Variants in SAMMSON observed in about 807,000 individuals in gnomAD.
SAMMSON encodes the protein long intergenic non-protein coding RNA 1212.
At chr3:70,163,231 A>G (rs1454379575) in intron 4 of SAMMSON, among the ~76,000 whole-genome samples, 1 of 150,962 alleles carries the variant, frequency 6.6e-6, no homozygotes. Context: ...TTGTGCCACC[A>G]CTACTGCCCT....
intron 3 of SAMMSON, among the ~76,000 whole-genome samples, chr3:70,060,076 A>T (rs2067181937): frequency 6.6e-6 from 1 of 152,082 alleles, no homozygotes; most frequent in Non-Finnish European, 1.5e-5. Context: ...GAGATTGTTG[A>T]TCTTGAGCTA....
At chr3:70,299,467 A>G (rs1702325154) in intron 7 of SAMMSON, among the ~76,000 whole-genome samples, 1 of 152,124 alleles carries the variant, frequency 6.6e-6, no homozygotes, top group Non-Finnish European at 1.5e-5. Context: ...ACAAAAGCAC[A>G]TACCCCTAGA....
intron 2 of SAMMSON, among the ~76,000 whole-genome samples, chr3:70,423,789 G>A: frequency 6.6e-6 from 1 of 152,156 alleles, no homozygotes; most frequent in East Asian, 1.9e-4. Flanking sequence ...ACCTGGAAAT[G>A]TTTATAAGTG....
At chr3:70,243,563 T>C (rs887938621) in intron 4 of SAMMSON, among the ~76,000 whole-genome samples, 4 of 152,336 alleles carry the variant, frequency 2.6e-5, no homozygotes, top group South Asian at 4.1e-4. Flanking sequence ...TTCTGCACTA[T>C]CGTCATTTTG....
intron 7 of SAMMSON, among the ~76,000 whole-genome samples, chr3:70,322,281 A>G (rs1437427241): frequency 6.6e-6 from 1 of 152,168 alleles, no homozygotes; most frequent in Non-Finnish European, 1.5e-5. Flanking sequence ...AGTCCTCTTT[A>G]ACCAATACAA....
intron 3 of SAMMSON, among the ~76,000 whole-genome samples, chr3:70,023,014 A>G (rs901440816): frequency 2.0e-5 from 3 of 152,318 alleles, no homozygotes; most frequent in Admixed American, 6.5e-5. Flanking sequence ...TCCTATTAAT[A>G]CAGTATTCCA....
intron 3 of SAMMSON, among the ~76,000 whole-genome samples, chr3:70,033,888 G>C (rs1279608043): frequency 6.6e-6 from 1 of 152,148 alleles, no homozygotes; most frequent in Non-Finnish European, 1.5e-5. Context: ...AAAGGAGGAT[G>C]TCAGAGGATG....
intron 6 of SAMMSON, among the ~76,000 whole-genome samples, chr3:70,287,089 A>G (rs1702173792): frequency 7.1e-6 from 1 of 141,752 alleles, no homozygotes. Flanking sequence ...AACTTCCAAC[A>G]CTATGTTGAA....
At chr3:70,397,085 C>G (rs907200819) in intron 2 of SAMMSON, among the ~76,000 whole-genome samples, 1 of 152,144 alleles carries the variant, frequency 6.6e-6, no homozygotes, top group African/African-American at 2.4e-5. Context: ...GTTATATGTA[C>G]TCTTTAATAG....
intron 4 of SAMMSON, among the ~76,000 whole-genome samples, chr3:70,191,945 A>G (rs996190615): frequency 6.6e-6 from 1 of 151,506 alleles, no homozygotes; most frequent in Non-Finnish European, 1.5e-5. Flanking sequence ...TAGAGAATGT[A>G]ATAATATACC....
At chr3:70,353,291 A>G (rs951107745) in intron 7 of SAMMSON, among the ~76,000 whole-genome samples, 3 of 152,106 alleles carry the variant, frequency 2.0e-5, no homozygotes, top group Admixed American at 1.3e-4. Flanking sequence ...TAAAAATTCA[A>G]GCTACTTACT....
chr3:70,008,058 G>A (rs893360243), intron 1 of SAMMSON, among the ~76,000 whole-genome samples: 3 of 152,060 alleles, frequency 2.0e-5, no homozygotes, highest in African/African-American at 4.8e-5. Context: ...GTCTTGTAGT[G>A]TAGTTTGAAG....
chr3:70,328,383 TG>T (rs1417302544), intron 7 of SAMMSON, among the ~76,000 whole-genome samples: 1 of 152,154 alleles, frequency 6.6e-6, no homozygotes, highest in East Asian at 1.9e-4. Context: ...GTGATAGAAT[TG>T]GTAGACAGGA....
chr3:70,348,887 G>A (rs977589764), intron 7 of SAMMSON, among the ~76,000 whole-genome samples: 7 of 151,976 alleles, frequency 4.6e-5, no homozygotes, highest in Non-Finnish European at 7.4e-5. Flanking sequence ...TAGATCTTAC[G>A]GTCTGAGCTA....
intron 3 of SAMMSON, among the ~76,000 whole-genome samples, chr3:70,028,205 CTCTTTCTTTCTT>C (rs534518874): frequency 7.8e-6 from 1 of 128,462 alleles, no homozygotes; most frequent in Non-Finnish European, 1.6e-5. Context: ...CTTTCTTTCT[CTCTTTCTTTCTT>C]TCTCTTTTTC....
chr3:70,130,399 A>C (rs1326568020), intron 4 of SAMMSON, among the ~76,000 whole-genome samples: 1 of 152,224 alleles, frequency 6.6e-6, no homozygotes, highest in East Asian at 1.9e-4. Context: ...TATTGTGGCC[A>C]GAAGCAAACT....
At chr3:70,172,207 T>C (rs1700962658) in intron 4 of SAMMSON, 1 of 151,842 alleles carries the variant, frequency 6.6e-6, no homozygotes, top group South Asian at 2.1e-4. Context: ...AAAATATTTT[T>C]AAAGGCTAGT....
At chr3:70,032,956 C>T (rs996413189) in intron 3 of SAMMSON, among the ~76,000 whole-genome samples, 4 of 152,004 alleles carry the variant, frequency 2.6e-5, no homozygotes, top group African/African-American at 9.7e-5. Context: ...ATTTCGTTGC[C>T]CAGGTGGGGG....
intron 2 of SAMMSON, among the ~76,000 whole-genome samples, chr3:70,404,763 G>A (rs1043395870): frequency 1.3e-5 from 2 of 152,078 alleles, no homozygotes; most frequent in African/African-American, 2.4e-5. Context: ...GTTTCTATCC[G>A]AGGCACTTTC....
Sources: gnomAD v4.1 joint callset for allele counts (sites outside exome capture counted in the v4.1 genomes callset) on GRCh38, gnomAD v4.1.1 for gene constraint, MANE v1.5 for transcripts, NCBI Gene and HGNC (gene_info 2026-07-23, HGNC 2026-07-21) for gene names.